Variants in REDIC1 observed in about 807,000 individuals in gnomAD.
REDIC1 encodes the protein HEI10 Interacting Protein 1.
chr12:39,871,135 G>A, the REDIC1 span, among the ~76,000 whole-genome samples: 1 of 151,862 alleles, frequency 6.6e-6, no homozygotes, highest in African/African-American at 2.4e-5. Flanking sequence ...TTAAATATGT[G>A]GGTCTCATTC....
the REDIC1 span, among the ~76,000 whole-genome samples, chr12:39,657,864 T>A: frequency 0.13 from 19,220 of 152,082 alleles, 1,369 homozygotes; most frequent in East Asian, 0.18. Context: ...AAAATTGCAT[T>A]GAATTCTGCT....
the REDIC1 span, among the ~76,000 whole-genome samples, chr12:39,768,051 T>C: frequency 6.6e-6 from 1 of 152,120 alleles, no homozygotes; most frequent in Admixed American, 6.6e-5. Context: ...TAGGTAGATG[T>C]TCTGGATAAC....
At chr12:39,645,909 G>A in the REDIC1 span, among the ~76,000 whole-genome samples, 1 of 151,584 alleles carries the variant, frequency 6.6e-6, no homozygotes, top group South Asian at 2.1e-4. Context: ...GCTTGAGGCA[G>A]AGTTTTATAA....
chr12:39,746,780 T>C, the REDIC1 span, among the ~76,000 whole-genome samples: 1 of 152,214 alleles, frequency 6.6e-6, no homozygotes, highest in African/African-American at 2.4e-5. Flanking sequence ...ATATTCGCTG[T>C]TATGCAGCCT....
At chr12:39,742,987 A>G in the REDIC1 span, among the ~76,000 whole-genome samples, 1 of 152,176 alleles carries the variant, frequency 6.6e-6, no homozygotes, top group Non-Finnish European at 1.5e-5. Flanking sequence ...TCTGAGCTAA[A>G]AACTCCATGG....
chr12:39,803,553 T>C, the REDIC1 span, among the ~76,000 whole-genome samples: 2 of 152,118 alleles, frequency 1.3e-5, no homozygotes, highest in Non-Finnish European at 1.5e-5. Flanking sequence ...AAAATACATA[T>C]ATACATACAC....
At chr12:39,702,642 T>C in the REDIC1 span, among the ~76,000 whole-genome samples, 13 of 152,040 alleles carry the variant, frequency 8.6e-5, no homozygotes, top group African/African-American at 3.1e-4. Context: ...AAAAGAGAAT[T>C]TTAGACCAAT....
the REDIC1 span, among the ~76,000 whole-genome samples, chr12:39,766,118 A>G: frequency 2.6e-5 from 4 of 152,066 alleles, no homozygotes; most frequent in Admixed American, 6.6e-5. Context: ...TCTGATCACA[A>G]CCACCACTTT....
the REDIC1 span, among the ~76,000 whole-genome samples, chr12:39,748,365 GCTAA>G: frequency 6.6e-6 from 1 of 152,162 alleles, no homozygotes; most frequent in Admixed American, 6.5e-5. Flanking sequence ...AACAAGAAGA[GCTAA>G]CTATCTTAAA....
the REDIC1 span, among the ~76,000 whole-genome samples, chr12:39,644,416 A>G: frequency 1.3e-5 from 2 of 151,820 alleles, no homozygotes; most frequent in Non-Finnish European, 2.9e-5. Flanking sequence ...CCATTTTGTC[A>G]TATATTTTGA....
chr12:39,784,725 G>C, the REDIC1 span, among the ~76,000 whole-genome samples: 2 of 152,228 alleles, frequency 1.3e-5, no homozygotes, highest in Middle Eastern at 3.4e-3. Flanking sequence ...ACTGACAAAC[G>C]GGATCTAATT....
chr12:39,680,932 C>T, the REDIC1 span, among the ~76,000 whole-genome samples: 1 of 152,306 alleles, frequency 6.6e-6, no homozygotes, highest in East Asian at 1.9e-4. Context: ...TTGTTACGTT[C>T]TTACTTATAA....
chr12:39,639,584 C>G, the REDIC1 span, among the ~76,000 whole-genome samples: 1 of 151,954 alleles, frequency 6.6e-6, no homozygotes, highest in African/African-American at 2.4e-5. Context: ...ATCAGACACC[C>G]TGGATTTCAA....
chr12:39,649,400 G>A, the REDIC1 span, among the ~76,000 whole-genome samples: 7 of 151,740 alleles, frequency 4.6e-5, no homozygotes, highest in African/African-American at 9.7e-5. Flanking sequence ...TAGTATTGTC[G>A]AATATATAAT....
chr12:39,841,397 A>G, the REDIC1 span, among the ~76,000 whole-genome samples: 3 of 152,116 alleles, frequency 2.0e-5, no homozygotes, highest in Non-Finnish European at 4.4e-5. Context: ...GAACTCTCTA[A>G]TGGAGAAGGA....
the REDIC1 span, among the ~76,000 whole-genome samples, chr12:39,728,353 G>C: frequency 3.9e-4 from 60 of 152,252 alleles, no homozygotes; most frequent in African/African-American, 1.3e-3. Context: ...TTAGCATGAA[G>C]GGGTGTTGAA....
At chr12:39,744,688 A>G in the REDIC1 span, among the ~76,000 whole-genome samples, 1 of 152,216 alleles carries the variant, frequency 6.6e-6, no homozygotes, top group Non-Finnish European at 1.5e-5. Context: ...ACTGAAATAA[A>G]TAAATAGTGT....
At chr12:39,846,313 T>C in the REDIC1 span, among the ~76,000 whole-genome samples, 2 of 152,136 alleles carry the variant, frequency 1.3e-5, no homozygotes, top group Non-Finnish European at 1.5e-5. Context: ...CCTTGGACAA[T>C]AGGAGCATCA....
the REDIC1 span, among the ~76,000 whole-genome samples, chr12:39,896,348 GTATGTATATGTGTATATA>G: frequency 4.0e-5 from 5 of 126,582 alleles, no homozygotes; most frequent in African/African-American, 1.3e-4. Context: ...ATACATATAT[GTATGTATATGTGTATATA>G]TGTATACATA....
Sources: allele counts gnomAD v4.1 joint callset (sites outside exome capture counted in the v4.1 genomes callset), GRCh38; gene constraint gnomAD v4.1.1; transcripts MANE v1.5; gene names NCBI Gene and HGNC (gene_info 2026-07-23, HGNC 2026-07-21).